The following P2RX1 variants were observed in gnomAD, a reference collection of about 807,000 sequenced individuals.
P2RX1 encodes P2X purinoceptor 1.
A neutral mutation model predicts 50.3 loss-of-function variants in P2RX1; 42 were observed. The ratio of observed to expected loss-of-function variants is 0.83; its 90% CI spans 0.65 to 1.08. P2RX1 has a LOEUF of 1.08. P2RX1 is among the 50% of genes least tolerant of loss of function. The pLI, the probability that P2RX1 is intolerant of heterozygous loss-of-function variation, is 0.00. For missense variants in P2RX1, 449 were observed against 529.0 expected (o/e 0.85, Z 1.48); for synonymous variants, 199 against 202.6 (o/e 0.98, Z 0.15).
rs2056232095 is a variant in P2RX1, at chr17:3,904,927, C to T, written c.288G>A (p.Gly96=). Residue 96 remains glycine (G), a splice_region_variant and synonymous_variant, in exon 3 of 12, where the codon GGG becomes GGA. Transcript: ENST00000225538. ...TGGTCATGACCACGAAGGAGTTGTC[C>T]CCCTAGAAGTGAGGGGCAGGGGGAG... is the stretch of plus-strand genomic sequence containing the variant. ...DVADYVFPAQ[G]DNSFVVMTNF... 2.5e-6 allele frequency: 4 copies of T among 1,577,366 alleles called. No homozygotes were observed. Among genetic ancestry groups the T allele is most frequent in the Non-Finnish European group, 1.7e-6 (2 of 1,157,948 alleles).
chr17:3,901,651 G>T (rs891675725), intron 7 of P2RX1, among the ~76,000 whole-genome samples: 5 of 152,212 alleles, frequency 3.3e-5, no homozygotes, highest in African/African-American at 1.2e-4. Context: ...GTCGTGAGTG[G>T]GTTATTTTGA....
At chr17:3,900,173 C>T (rs761381489) in intron 7 of P2RX1, among the ~76,000 whole-genome samples, 2 of 151,934 alleles carry the variant, frequency 1.3e-5, no homozygotes, top group Non-Finnish European at 2.9e-5. Context: ...CATTTTGGAG[C>T]CGGGCGTGGT....
chr17:3,906,208 T>G lies in P2RX1; in HGVS notation c.138-841A>C, dbSNP rs140756814. Among the ~76,000 whole-genome samples the G allele has an allele frequency of 5.8e-3, 879 of 152,298 alleles. 10 individuals carry two copies. Among genetic ancestry groups the G allele is most frequent in the African/African-American group, 0.02 (819 of 41,550 alleles). ...GTACAGCGGCGCCATCTCGGCTCAC[T>G]GCAACCTCCTACACCCGGGTTCAAG... On this transcript the variant is annotated intron_variant, in intron 1 of 11. Transcript: ENST00000225538.
At position 3,915,620 on chromosome 17, in the gene P2RX1, C is replaced by T. The variant is rs949386639; in HGVS notation, c.137+469G>A. 22 of 457,560 alleles carry T rather than the reference C, an allele frequency of 4.8e-5. 1 individual carries two copies. The highest frequency in any genetic ancestry group is 6.2e-5 in the South Asian group (4 of 64,590). The allele number at this position is 457,560 out of a possible 1,614,324, so 28.3% of individuals were successfully genotyped here. A position where few individuals can be genotyped will look rare whatever the true frequency, so the allele number is the denominator to read the frequency against. ...GTTTCTCTGCTCCGGGGGCCTCAAA[C>T]GTCCCTGGATGTCCCTTGCTCAGGC... On this transcript the variant is annotated intron_variant, in intron 1 of 11. Coordinates refer to ENST00000225538, the MANE Select transcript of P2RX1 (RefSeq NM_002558.4).
chr17:3,900,619 G>A lies in P2RX1; in HGVS notation c.748-858C>T, dbSNP rs116109796. 9.0e-3 allele frequency among the ~76,000 whole-genome samples: 1,365 copies of A among 151,948 alleles called. 19 individuals are homozygous for A. Among genetic ancestry groups the A allele is most frequent in the African/African-American group, 0.025 (1,040 of 41,406 alleles). On this transcript the variant is annotated intron_variant, in intron 7 of 11. Transcript: ENST00000225538. The stretch of plus-strand genomic sequence containing the variant: ...CTTGTTTATTTATTTATTTATTTTC[G>A]CCCTGCTCTTGTAACCCAGATACGT...
intron 1 of P2RX1, among the ~76,000 whole-genome samples, chr17:3,911,170 T>C (rs1181379776): frequency 6.7e-6 from 1 of 148,280 alleles, no homozygotes. Flanking sequence ...TTTTTTTTTT[T>C]AGATACAGGG....
At chr17:3,898,220 CA>C in intron 10 of P2RX1, 110 bp from the exon 11 acceptor site, 1 of 978,690 alleles carries the variant, frequency 1.0e-6, no homozygotes, top group Non-Finnish European at 1.6e-6. Flanking sequence ...GATCTGACCT[CA>C]CTGGAGGCCA....
chr17:3,916,042 G>A, intron 1 of P2RX1, 47 bp downstream of exon 1: 1 of 1,610,262 alleles, frequency 6.2e-7, no homozygotes, highest in Non-Finnish European at 8.5e-7. Context: ...TGGAGGACAG[G>A]CCCGGGGTAG....
At chr17:3,904,222 TCGG>T (rs2056213389) in intron 4 of P2RX1, 105 bp downstream of exon 4, 2 of 1,214,914 alleles carry the variant, frequency 1.6e-6, no homozygotes, top group Non-Finnish European at 2.4e-6. Flanking sequence ...GGAGGCCGCC[TCGG>T]CGGGAGGGGT....
intron 1 of P2RX1, among the ~76,000 whole-genome samples, chr17:3,910,078 G>A (rs890058018): frequency 4.0e-5 from 6 of 149,424 alleles, no homozygotes; most frequent in African/African-American, 1.5e-4. Context: ...GGATTCAAGC[G>A]ATTTTCCTGC....
chr17:3,898,508 G>A lies in P2RX1; in HGVS notation c.1008C>T (p.Gly336=). The change falls in exon 10 of 12, where the codon GGC becomes GGT. Residue 336 remains glycine (G), a synonymous_variant. Transcript: ENST00000225538. Reference sequence around the variant, plus strand: ...CCACCCCAAAGATGCCAATTCCAGAGCCGATGGTGGTCATTGTAGGGATGA... The same window carrying A: ...CCACCCCAAAGATGCCAATTCCAGAACCGATGGTGGTCATTGTAGGGATGA... ...FDIIPTMTTI[G]SGIGIFGVAT... is the part of the protein sequence containing the mutation. 6.2e-7 allele frequency: 1 copy of A among 1,614,028 alleles called. No homozygotes were observed. The highest frequency in any genetic ancestry group is 8.5e-7 in the Non-Finnish European group (1 of 1,179,906).
intron 8 of P2RX1, 116 bp downstream of exon 8, chr17:3,899,518 T>G: frequency 7.2e-7 from 1 of 1,398,396 alleles, no homozygotes; most frequent in South Asian, 1.2e-5. Context: ...GAATGAGAGC[T>G]GCCCAGGACC....
chr17:3,913,862 G>A (rs1056077058), intron 1 of P2RX1, among the ~76,000 whole-genome samples: 6 of 149,160 alleles, frequency 4.0e-5, no homozygotes, highest in African/African-American at 1.3e-4. Flanking sequence ...TGCACTCTTG[G>A]GGGGGGTGGT....
chr17:3,897,955 A>C, intron 11 of P2RX1, 54 bp downstream of exon 11: 1 of 1,610,036 alleles, frequency 6.2e-7, no homozygotes, highest in Non-Finnish European at 8.5e-7. Context: ...CCACCCCAAC[A>C]CAGACACAAG....
intron 1 of P2RX1, chr17:3,915,623 C>T (rs1190529670): frequency 6.6e-6 from 3 of 457,660 alleles, no homozygotes; most frequent in African/African-American, 2.0e-5. Context: ...CCTCAAACGT[C>T]CCTGGATGTC....
chr17:3,904,191 C>G, intron 4 of P2RX1, 139 bp downstream of exon 4: 1 of 1,009,842 alleles, frequency 9.9e-7, no homozygotes, highest in South Asian at 1.3e-5. Context: ...GGAGGGGAGA[C>G]GGCAGGAGGG....
chr17:3,911,827 C>G (rs9904127), intron 1 of P2RX1, among the ~76,000 whole-genome samples: 2 of 152,172 alleles, frequency 1.3e-5, no homozygotes, highest in African/African-American at 2.4e-5. Context: ...CACTGTGTCC[C>G]GACAGGAGAG....
intron 1 of P2RX1, among the ~76,000 whole-genome samples, chr17:3,909,070 G>T (rs926502819): frequency 2.0e-5 from 3 of 151,922 alleles, no homozygotes; most frequent in Admixed American, 2.0e-4. Flanking sequence ...TCAGTCTGTT[G>T]CCCAGGCTGG....
chr17:3,905,026 C>T (rs2056235735), intron 2 of P2RX1, 97 bp from the exon 3 acceptor site: 1 of 1,148,340 alleles, frequency 8.7e-7, no homozygotes, highest in African/African-American at 1.5e-5. Flanking sequence ...CCCTAGAGCC[C>T]ACAGGACACG....
Sources: gnomAD v4.1 joint callset for allele counts (sites outside exome capture counted in the v4.1 genomes callset) on GRCh38, gnomAD v4.1.1 for gene constraint, MANE v1.5 for transcripts, NCBI Gene and HGNC (gene_info 2026-07-23, HGNC 2026-07-21) for gene names.